Variants in CWF19L2 observed in about 807,000 individuals in gnomAD.
The protein encoded by CWF19L2 is CWF19-like protein 2.
In CWF19L2, 98 loss-of-function variants were observed where a neutral mutation model predicts 111.7. The observed-to-expected ratio is 0.88, with a 90% CI of 0.75 to 1.04. CWF19L2 has a LOEUF of 1.04. CWF19L2 is among the 50% of genes least tolerant of loss of function. The pLI is 0.00. For synonymous variants in CWF19L2, 351 were observed against 342.9 expected (o/e 1.02, Z -0.26); for missense variants, 1,101 against 1,051.4 (o/e 1.05, Z -0.65).
chr11:107,360,515 T>G (rs1372736007), intron 12 of CWF19L2, among the ~76,000 whole-genome samples: 1 of 152,202 alleles, frequency 6.6e-6, no homozygotes, highest in African/African-American at 2.4e-5. Flanking sequence ...ATGGGATTGC[T>G]GAATCAAATG....
intron 8 of CWF19L2, among the ~76,000 whole-genome samples, chr11:107,421,949 GA>G (rs1565277333): frequency 6.6e-6 from 1 of 151,970 alleles, no homozygotes; most frequent in African/African-American, 2.4e-5. Context: ...CCAAAACGTG[GA>G]AACAATCTCA....
chr11:107,456,347 C>G (rs919916337), intron 1 of CWF19L2, among the ~76,000 whole-genome samples: 4 of 152,106 alleles, frequency 2.6e-5, no homozygotes, highest in Admixed American at 6.5e-5. Flanking sequence ...CAGTTTGGTC[C>G]TTTTCAAATT....
chr11:107,395,395 T>G (rs1431763100), intron 10 of CWF19L2, among the ~76,000 whole-genome samples: 1 of 152,220 alleles, frequency 6.6e-6, no homozygotes, highest in Non-Finnish European at 1.5e-5. Context: ...ATCAGCAGCA[T>G]GAAAACAGAC....
At chr11:107,406,225 A>C (rs186976474) in intron 10 of CWF19L2, among the ~76,000 whole-genome samples, 1 of 152,332 alleles carries the variant, frequency 6.6e-6, no homozygotes, top group East Asian at 1.9e-4. Flanking sequence ...TCTCCTACTA[A>C]ATCAGATTTT....
chr11:107,352,597 G>C (rs992579333), intron 13 of CWF19L2, among the ~76,000 whole-genome samples: 9 of 151,954 alleles, frequency 5.9e-5, no homozygotes, highest in Non-Finnish European at 8.8e-5. Context: ...AAGGAACTTA[G>C]AAAAATAAAT....
chr11:107,389,129 G>GTT (rs2134593024), intron 12 of CWF19L2, among the ~76,000 whole-genome samples: 1 of 152,272 alleles, frequency 6.6e-6, no homozygotes, highest in East Asian at 1.9e-4. Flanking sequence ...ATAAAAGATT[G>GTT]TAAGTCTGAA....
intron 12 of CWF19L2, among the ~76,000 whole-genome samples, chr11:107,358,485 A>G (rs1860272665): frequency 6.6e-6 from 1 of 152,258 alleles, no homozygotes; most frequent in South Asian, 2.1e-4. Flanking sequence ...CCACATGACC[A>G]AGAAACTCCA....
At chr11:107,334,060 C>T (rs1859887409) in intron 16 of CWF19L2, among the ~76,000 whole-genome samples, 1 of 152,172 alleles carries the variant, frequency 6.6e-6, no homozygotes, top group Non-Finnish European at 1.5e-5. Context: ...GTTTAGCATG[C>T]AGGGCTTGAG....
At chr11:107,417,350 A>G (rs896895420) in intron 9 of CWF19L2, among the ~76,000 whole-genome samples, 1 of 152,194 alleles carries the variant, frequency 6.6e-6, no homozygotes, top group Non-Finnish European at 1.5e-5. Flanking sequence ...GCTCTTACCA[A>G]ATCATCCCTA....
intron 14 of CWF19L2, among the ~76,000 whole-genome samples, chr11:107,340,011 A>G (rs965171075): frequency 7.2e-5 from 11 of 152,146 alleles, no homozygotes; most frequent in African/African-American, 2.4e-4. Context: ...CATTCTAGAT[A>G]TAAAAATATT....
intron 10 of CWF19L2, among the ~76,000 whole-genome samples, chr11:107,413,151 G>T (rs989975795): frequency 1.3e-5 from 2 of 152,124 alleles, no homozygotes; most frequent in Non-Finnish European, 2.9e-5. Flanking sequence ...GTCAACGCAG[G>T]TTCATCAATT....
At chr11:107,331,677 T>G (rs954537783) in intron 16 of CWF19L2, among the ~76,000 whole-genome samples, 5 of 152,232 alleles carry the variant, frequency 3.3e-5, no homozygotes, top group Non-Finnish European at 7.3e-5. Flanking sequence ...CTATGGCGTT[T>G]TAGGCCAATA....
chr11:107,336,026 C>T (rs1565242256), intron 15 of CWF19L2, among the ~76,000 whole-genome samples: 8 of 152,068 alleles, frequency 5.3e-5, no homozygotes. Context: ...TCGAGACCAT[C>T]CTGGCCAACA....
intron 8 of CWF19L2, among the ~76,000 whole-genome samples, chr11:107,426,185 CA>C (rs1411196065): frequency 1.3e-5 from 2 of 150,574 alleles, no homozygotes; most frequent in South Asian, 2.1e-4. Context: ...AACAATAGCT[CA>C]AAAAAAGGGC....
chr11:107,395,020 A>G (rs1469914991), intron 10 of CWF19L2, among the ~76,000 whole-genome samples: 1 of 152,204 alleles, frequency 6.6e-6, no homozygotes, highest in Non-Finnish European at 1.5e-5. Context: ...ATAGAAACTG[A>G]GTGTTTTATA....
chr11:107,441,459 T>C (rs1861617098), intron 5 of CWF19L2, 44 bp downstream of exon 5: 4 of 1,448,416 alleles, frequency 2.8e-6, no homozygotes, highest in African/African-American at 2.9e-5. Context: ...GTAAGTTTAT[T>C]AAAGGTAAAT....
At chr11:107,407,349 G>A (rs1861093666) in intron 10 of CWF19L2, among the ~76,000 whole-genome samples, 1 of 150,988 alleles carries the variant, frequency 6.6e-6, no homozygotes, top group Non-Finnish European at 1.5e-5. Flanking sequence ...CCTTTAAACT[G>A]CAAATATATA....
In CWF19L2 at chr11:107,433,694, C is replaced by A. The variant is rs1388707195; in HGVS notation, c.720G>T (p.Met240Ile). 7 of 1,594,782 alleles carry A rather than the reference C, an allele frequency of 4.4e-6. No individual in the cohort carries two copies. In the East Asian group the frequency reaches 9.2e-5, roughly 21 times the overall value. ...TACTTTGTTTCTCAGCTTGTTCCTT[C>A]ATTCTTAGATAAGATTTCCTTAGCC... ...LSWLRKSYLR[M>I]KEQAEKQSRN... is the part of the protein sequence containing the mutation. Residue 240 changes from methionine (M) to isoleucine (I), a missense_variant, in exon 7 of 18, where the codon ATG (methionine) becomes ATT (isoleucine). Met to Ile is a conservative substitution (Grantham distance 10, BLOSUM62 1). Transcript: ENST00000282251.
At chr11:107,433,880 T>TTATA (rs61304388) in intron 6 of CWF19L2, 131 bp from the exon 7 acceptor site, 3,072 of 121,664 alleles carry the variant, frequency 0.025, 32 homozygotes, top group South Asian at 0.038. Context: ...CTTTGGAATT[T>TTATA]TATATATATA....
Sources: gnomAD v4.1 joint callset for allele counts (sites outside exome capture counted in the v4.1 genomes callset) on GRCh38, gnomAD v4.1.1 for gene constraint, MANE v1.5 for transcripts, NCBI Gene and HGNC (gene_info 2026-07-23, HGNC 2026-07-21) for gene names.